Variants in ACTN4 observed in about 807,000 individuals in gnomAD.
The protein encoded by ACTN4 is actinin alpha 4.
ACTN4 carries 18 observed loss-of-function variants against 114.2 expected under a neutral mutation model. The observed-to-expected ratio is 0.16, with a 90% CI of 0.11 to 0.23. ACTN4 has a LOEUF of 0.23. Among genes scored for constraint, ACTN4 ranks in the 10% least tolerant of loss-of-function variants. The pLI is 1.00. For missense variants in ACTN4, 722 were observed against 1,262.9 expected, an observed-to-expected ratio of 0.57 and a Z score of 6.49; for synonymous variants, 515 against 506.3, an observed-to-expected ratio of 1.02 and a Z score of -0.23.
intron 6 of ACTN4, among the ~76,000 whole-genome samples, chr19:38,708,981 T>C (rs8099948): frequency 0.68 from 102,974 of 151,876 alleles, 35,709 homozygotes; most frequent in South Asian, 0.84. Flanking sequence ...GGGGACACTT[T>C]AGGGTGGTTG....
Position 38,729,380 on chromosome 19 carries a change from C to T in ACTN4, c.2684C>T (p.Ala895Val). Residue 895 changes from alanine to valine, a missense_variant, in exon 21 of 21, where the codon GCC (alanine) becomes GTC (valine). This residue lies in a region of ACTN4 where 523 missense variants were observed against 875.9 expected (regional missense o/e 0.60). Transcript: ENST00000252699. ...CAGGGCCCTGACGCCGTGCCCGGTG[C>T]CCTCGACTACAAGTCCTTCTCCACG... ...PYQGPDAVPGALDYKSFSTAL... is the reference protein window; with the variant it reads ...PYQGPDAVPGVLDYKSFSTAL... 1 of 1,612,752 alleles carries T rather than the reference C, an allele frequency of 6.2e-7. No individual in the cohort carries two copies. The highest frequency in any genetic ancestry group is 1.6e-4 in the Middle Eastern group (1 of 6,062).
At chr19:38,649,504 C>G (rs1001475444) in intron 1 of ACTN4, among the ~76,000 whole-genome samples, 1 of 152,104 alleles carries the variant, frequency 6.6e-6, no homozygotes, top group East Asian at 1.9e-4. Flanking sequence ...GGACAAGACC[C>G]TTGAACTCTC....
At chr19:38,705,447 T>C (rs1299070755) in intron 4 of ACTN4, among the ~76,000 whole-genome samples, 1 of 152,086 alleles carries the variant, frequency 6.6e-6, no homozygotes, top group African/African-American at 2.4e-5. Flanking sequence ...GAATGGACAA[T>C]TTCGCTTCCC....
chr19:38,706,449 T>C (rs1395000201), intron 5 of ACTN4, among the ~76,000 whole-genome samples: 1 of 152,220 alleles, frequency 6.6e-6, no homozygotes, highest in Non-Finnish European at 1.5e-5. Flanking sequence ...CAGGGTCTTG[T>C]GCTGTCACCC....
intron 1 of ACTN4, among the ~76,000 whole-genome samples, chr19:38,663,316 C>T (rs1976946061): frequency 6.6e-6 from 1 of 152,212 alleles, no homozygotes; most frequent in South Asian, 2.1e-4. Context: ...AGACAGCAGC[C>T]CTCGCTGGGC....
intron 1 of ACTN4, among the ~76,000 whole-genome samples, chr19:38,648,490 G>T (rs1273022146): frequency 9.2e-5 from 14 of 151,962 alleles, no homozygotes; most frequent in Admixed American, 9.2e-4. Flanking sequence ...CTGAAGACGG[G>T]TGGGAAGACT....
chr19:38,725,477 G>A (rs958568693), intron 16 of ACTN4, among the ~76,000 whole-genome samples: 4 of 152,220 alleles, frequency 2.6e-5, no homozygotes, highest in Non-Finnish European at 5.9e-5. Flanking sequence ...AAATGAAGTT[G>A]GGCACAGGGA....
intron 6 of ACTN4, 87 bp from the exon 7 acceptor site, chr19:38,709,308 C>A: frequency 9.9e-7 from 1 of 1,013,464 alleles, no homozygotes; most frequent in Non-Finnish European, 1.6e-6. Context: ...CCTCCCGGGT[C>A]TCTCCCTCTG....
intron 1 of ACTN4, among the ~76,000 whole-genome samples, chr19:38,692,471 G>C (rs1393709962): frequency 6.6e-6 from 1 of 152,246 alleles, no homozygotes; most frequent in African/African-American, 2.4e-5. Flanking sequence ...TCTTCAAAAA[G>C]TGCTCAGGTG....
intron 1 of ACTN4, among the ~76,000 whole-genome samples, chr19:38,689,625 G>C (rs1158681645): frequency 6.6e-6 from 1 of 152,088 alleles, no homozygotes; most frequent in Non-Finnish European, 1.5e-5. Flanking sequence ...AGCCTTCTGA[G>C]TAGCTGGGAC....
intron 1 of ACTN4, among the ~76,000 whole-genome samples, chr19:38,651,063 C>T (rs1258456047): frequency 1.3e-5 from 2 of 152,168 alleles, no homozygotes; most frequent in Non-Finnish European, 2.9e-5. Flanking sequence ...TGCAGTGTTG[C>T]TTTAGTGAAT....
chr19:38,704,842 G>T, intron 3 of ACTN4, 92 bp from the exon 4 acceptor site: 1 of 1,162,934 alleles, frequency 8.6e-7, no homozygotes, highest in Non-Finnish European at 1.3e-6. Flanking sequence ...CCTTTCTCTA[G>T]ATGGGGCTGG....
Position 38,647,709 on chromosome 19 carries a change from G to A in ACTN4, c.-37G>A, listed in dbSNP as rs1170252421. The A allele has an allele frequency of 6.6e-7, 1 of 1,525,962 alleles. No homozygotes were observed. The highest frequency in any genetic ancestry group is 2.0e-5 in the Admixed American group (1 of 49,154). 94.5% of individuals were successfully genotyped at this position (1,525,962 alleles called of 1,614,324 possible). A position where few individuals can be genotyped will look rare whatever the true frequency, so the allele number is the denominator to read the frequency against. Reference sequence around the variant, plus strand: ...GGCAGAGGGGCGGGAGCTGAGGCGGGAGCGGACAGGCTGGTGGGCGAGCGA... The same window carrying A: ...GGCAGAGGGGCGGGAGCTGAGGCGGAAGCGGACAGGCTGGTGGGCGAGCGA... On this transcript the variant is annotated 5_prime_UTR_variant, in exon 1 of 21. Transcript: ENST00000252699.
chr19:38,692,894 C>T (rs1271410333), intron 1 of ACTN4, among the ~76,000 whole-genome samples: 1 of 152,104 alleles, frequency 6.6e-6, no homozygotes, highest in African/African-American at 2.4e-5. Context: ...CCCCTCAAAG[C>T]AACTGATGCC....
chr19:38,667,620 G>C (rs1967001487), intron 1 of ACTN4, among the ~76,000 whole-genome samples: 1 of 151,514 alleles, frequency 6.6e-6, no homozygotes, highest in South Asian at 2.1e-4. Flanking sequence ...AGCGTGGTAA[G>C]TTAGACACTA....
At position 38,725,906 on chromosome 19, in the gene ACTN4, G is replaced by A. The variant is rs1969216590; in HGVS notation, c.2190+3G>A. On this transcript the variant is annotated splice_donor_region_variant and intron_variant, in intron 17 of 20. Transcript: ENST00000252699. ...AGCACACCAACTATACCATGGAGGT[G>A]CGCGGCTGCCCCGCCCGCTGGCCTT... 6.2e-7 allele frequency: 1 copy of A among 1,613,710 alleles called. No homozygotes were observed. The highest frequency in any genetic ancestry group is 8.5e-7 in the Non-Finnish European group (1 of 1,180,036).
In ACTN4 at chr19:38,731,096, G is replaced by A. The variant is rs542153508; in HGVS notation, c.*1664G>A. Reference sequence around the variant, plus strand: ...TCCCCCCATGCCCCACCATGCCGGGGTGGTACTCACAGAAGATGCAGGTGA... The same window carrying A: ...TCCCCCCATGCCCCACCATGCCGGGATGGTACTCACAGAAGATGCAGGTGA... On this transcript the variant is annotated 3_prime_UTR_variant, in exon 21 of 21. Transcript: ENST00000252699. 8.7e-6 allele frequency: 14 copies of A among 1,607,056 alleles called. No individual in the cohort carries two copies. In the East Asian group the frequency reaches 2.5e-4, roughly 28 times the overall value.
intron 1 of ACTN4, among the ~76,000 whole-genome samples, chr19:38,649,516 G>A (rs1389741454): frequency 6.6e-6 from 1 of 152,086 alleles, no homozygotes; most frequent in Non-Finnish European, 1.5e-5. Context: ...TGAACTCTCC[G>A]GGCAGTTTTG....
At chr19:38,715,137 T>C (rs763988062) in intron 9 of ACTN4, among the ~76,000 whole-genome samples, 4 of 152,082 alleles carry the variant, frequency 2.6e-5, no homozygotes, top group African/African-American at 7.2e-5. Flanking sequence ...AATGCTTCAG[T>C]TGGAAATAAG....
Sources: gnomAD v4.1 joint callset for allele counts (sites outside exome capture counted in the v4.1 genomes callset) on GRCh38, gnomAD v4.1.1 for gene constraint, gnomAD v4.1.1 regional missense constraint, MANE v1.5 for transcripts, NCBI Gene and HGNC (gene_info 2026-07-23, HGNC 2026-07-21) for gene names.